The following ZNF232 variants were observed in gnomAD, a reference collection of about 807,000 sequenced individuals.
ZNF232 encodes the protein zinc finger and SCAN domain-containing protein 11.
ZNF232 carries 25 observed loss-of-function variants against 25.2 expected under a neutral mutation model. The observed-to-expected ratio is 0.99, with a 90% CI of 0.72 to 1.39. The LOEUF (loss-of-function observed/expected upper bound fraction) is 1.39, where lower values mean the gene tolerates loss of function less well. Ranked by LOEUF, ZNF232 falls within the 40% of genes most tolerant of loss-of-function variation. The pLI, the probability that ZNF232 is intolerant of heterozygous loss-of-function variation, is 0.00. For synonymous variants in ZNF232, 193 were observed against 182.9 expected, an observed-to-expected ratio of 1.06 and a Z score of -0.45; for missense variants, 519 against 520.9, an observed-to-expected ratio of 1.00 and a Z score of 0.04.
upstream of ZNF232, among the ~76,000 whole-genome samples, chr17:5,116,069 C>A (rs985339093): frequency 2.0e-5 from 3 of 152,226 alleles, no homozygotes; most frequent in African/African-American, 7.2e-5. Context: ...CGGGCCCCGA[C>A]GCCCAGCTCC....
At chr17:5,115,617 G>T (rs2072516808), upstream of ZNF232, among the ~76,000 whole-genome samples, 1 of 150,910 alleles carries the variant, frequency 6.6e-6, no homozygotes, top group South Asian at 2.1e-4. Context: ...ATTCCAGAGG[G>T]ATTGATTTGT....
upstream of ZNF232, among the ~76,000 whole-genome samples, chr17:5,115,240 A>G (rs537697518): frequency 7.1e-4 from 108 of 152,062 alleles, no homozygotes; most frequent in African/African-American, 2.5e-3. Flanking sequence ...TCTGACTTTT[A>G]ATTGAGTTAT....
exon 4 of ZNF232, chr17:5,105,971 A>G (rs138307421): frequency 6.2e-7 from 1 of 1,614,174 alleles, no homozygotes; most frequent in Non-Finnish European, 8.5e-7. Context: ...AGCTTTGACT[A>G]AAGGCCTTCC....
At chr17:5,112,697 CCGT>C (rs937623390), upstream of ZNF232, among the ~76,000 whole-genome samples, 2 of 152,040 alleles carry the variant, frequency 1.3e-5, no homozygotes, top group African/African-American at 4.8e-5. Flanking sequence ...CGTGATCCGC[CCGT>C]CTCGGCCTCC....
At chr17:5,112,072 AGGCCCCTGGG>A, upstream of ZNF232, 2 of 580,956 alleles carry the variant, frequency 3.4e-6, no homozygotes, top group Admixed American at 3.3e-5. Context: ...GGTGCCCTGG[AGGCCCCTGGG>A]AATTGCAGTC....
At chr17:5,106,471 C>T in exon 4 of ZNF232, 2 of 1,614,200 alleles carry the variant, frequency 1.2e-6, no homozygotes, top group Non-Finnish European at 1.7e-6. Context: ...GGCAATGATC[C>T]TTTGTCCTTG....
At chr17:5,115,456 C>T (rs553333233), upstream of ZNF232, among the ~76,000 whole-genome samples, 1 of 151,930 alleles carries the variant, frequency 6.6e-6, no homozygotes, top group Non-Finnish European at 1.5e-5. Flanking sequence ...GAGGCTGAGG[C>T]GGGACAACAG....
At chr17:5,121,435 G>C (rs566469813) in intron 1 of ZNF232, 7 of 312,216 alleles carry the variant, frequency 2.2e-5, no homozygotes, top group African/African-American at 4.3e-5. Context: ...CGGCAGGATA[G>C]AGATATGGAG....
intron 1 of ZNF232, among the ~76,000 whole-genome samples, chr17:5,117,109 A>C (rs1200274436): frequency 6.6e-6 from 1 of 152,228 alleles, no homozygotes; most frequent in Admixed American, 6.5e-5. Flanking sequence ...TATGGTTGCA[A>C]CTTTATTAAT....
chr17:5,109,110 C>G lies in ZNF232; in HGVS notation c.499-58G>C, dbSNP rs80213924. 2.0e-5 allele frequency: 33 copies of G among 1,610,232 alleles called. No individual in the cohort carries two copies. The East Asian group carries it at 6.7e-4, about 33-fold the overall frequency. On this transcript the variant is annotated intron_variant, in intron 2 of 3. Coordinates refer to ENST00000575898, the Ensembl canonical transcript of ZNF232. ...TTTCTTCAAATTACTAGTGTGGTTT[C>G]TGTCCCCTGCCTGGACACTTGCAGA... is the stretch of plus-strand genomic sequence containing the variant.
chr17:5,118,497 G>A (rs1488138467), intron 1 of ZNF232, among the ~76,000 whole-genome samples: 7 of 152,248 alleles, frequency 4.6e-5, no homozygotes, highest in Admixed American at 4.6e-4. Flanking sequence ...CAGAGGGAGT[G>A]TTACAGTGCT....
rs143339907 is a variant in ZNF232 at position 5,117,052 on chromosome 17, G to GGTGA, written c.-529-4705_-529-4702dup. 2.0e-3 allele frequency among the ~76,000 whole-genome samples: 307 copies of GGTGA among 152,356 alleles called. 1 individual carries two copies. Among genetic ancestry groups the GGTGA allele is most frequent in the African/African-American group, 7.2e-3 (300 of 41,578 alleles). On this transcript the variant is annotated intron_variant, in intron 1 of 4. Transcript: ENST00000250076. Reference sequence around the variant, plus strand: ...CTTTGCAGAAAGCCTTCCCCAGCTAGGTGAGACTCCCCACTGTAGTATCAT... The same window carrying GGTGA: ...CTTTGCAGAAAGCCTTCCCCAGCTAGGTGAGTGAGACTCCCCACTGTAGTATCAT...
chr17:5,120,103 G>C (rs2143702005), intron 1 of ZNF232, among the ~76,000 whole-genome samples: 1 of 152,286 alleles, frequency 6.6e-6, no homozygotes, highest in Non-Finnish European at 1.5e-5. Flanking sequence ...CTCTAAGCTG[G>C]GGAAGCCTAC....
chr17:5,105,859 G>A (rs140948391), exon 4 of ZNF232: 47 of 1,607,816 alleles, frequency 2.9e-5, no homozygotes, highest in South Asian at 6.7e-5. Context: ...TGAACTCTCC[G>A]ATGTCTAATG....
chr17:5,106,744 C>T (rs1466906079), intron 3 of ZNF232, among the ~76,000 whole-genome samples: 1 of 152,012 alleles, frequency 6.6e-6, no homozygotes, highest in Non-Finnish European at 1.5e-5. Flanking sequence ...CTAATTTCTC[C>T]ATAATGAAAC....
At chr17:5,111,057 CAAGAT>C (rs1015120118) in intron 1 of ZNF232, 22 of 152,212 alleles carry the variant, frequency 1.4e-4, no homozygotes, top group African/African-American at 5.1e-4. Context: ...GCATTTTACA[CAAGAT>C]AAGGTAGACA....
chr17:5,110,066 A>G (rs574933423), intron 1 of ZNF232, among the ~76,000 whole-genome samples, 198 bp from the exon 2 acceptor site: 155 of 151,892 alleles, frequency 1.0e-3, no homozygotes, highest in African/African-American at 3.3e-3. Flanking sequence ...ATTTTTTTGT[A>G]TTTTTAGTAG....
At chr17:5,114,207 G>A (rs1391772718), upstream of ZNF232, 1 of 152,184 alleles carries the variant, frequency 6.6e-6, no homozygotes, top group Non-Finnish European at 1.5e-5. Context: ...CCTGAGCTCT[G>A]ATTGAAAATT....
exon 4 of ZNF232, chr17:5,106,436 T>A: frequency 6.2e-7 from 1 of 1,614,230 alleles, no homozygotes; most frequent in Non-Finnish European, 8.5e-7. Flanking sequence ...ACACCTGTGA[T>A]TCCACTTCAG....
Sources: gnomAD v4.1 joint callset for allele counts (sites outside exome capture counted in the v4.1 genomes callset) on GRCh38, gnomAD v4.1.1 for gene constraint, MANE v1.5 for transcripts, NCBI Gene and HGNC (gene_info 2026-07-23, HGNC 2026-07-21) for gene names.